FOXP2: variants seen among roughly 807,000 people sequenced by gnomAD.
FOXP2 encodes the protein forkhead box P2.
Under a neutral mutation model 115.8 loss-of-function variants are expected in FOXP2, and 12 were observed. That is an observed-to-expected ratio of 0.10 (90% confidence interval 0.07 to 0.17). The LOEUF (loss-of-function observed/expected upper bound fraction) is 0.17, where lower values mean the gene tolerates loss of function less well. Among genes scored for constraint, FOXP2 ranks in the 10% least tolerant of loss-of-function variants. The pLI, the probability that FOXP2 is intolerant of heterozygous loss-of-function variation, is 1.00. For missense variants in FOXP2, 629 were observed against 843.5 expected (o/e 0.75, Z 3.15); for synonymous variants, 328 against 297.7 (o/e 1.10, Z -1.05).
chr7:114,356,738 G>T, intron 2 of FOXP2, among the ~76,000 whole-genome samples: 1 of 152,092 alleles, frequency 6.6e-6, no homozygotes, highest in Non-Finnish European at 1.5e-5. Context: ...TATTAGTCAA[G>T]GCTAAGGAAT....
intron 2 of FOXP2, among the ~76,000 whole-genome samples, chr7:114,296,243 A>G (rs115962946): frequency 1.1e-4 from 17 of 152,344 alleles, no homozygotes; most frequent in African/African-American, 4.1e-4. Context: ...TTTTGGGACT[A>G]CAATATTGTG....
chr7:114,663,142 G>A (rs1302826806), intron 14 of FOXP2, among the ~76,000 whole-genome samples: 1 of 152,022 alleles, frequency 6.6e-6, no homozygotes, highest in Admixed American at 6.6e-5. Context: ...TTGTATGAAT[G>A]TTGCTGTTCT....
intron 2 of FOXP2, among the ~76,000 whole-genome samples, chr7:114,345,276 T>C (rs1202207764): frequency 2.6e-5 from 4 of 151,426 alleles, no homozygotes; most frequent in African/African-American, 9.7e-5. Context: ...GGTGACAGCC[T>C]ATTAAAGTAA....
At chr7:114,451,485 G>T (rs527625458) in intron 2 of FOXP2, among the ~76,000 whole-genome samples, 1 of 151,874 alleles carries the variant, frequency 6.6e-6, no homozygotes, top group Non-Finnish European at 1.5e-5. Context: ...ATACTTCCTG[G>T]GGCACACACA....
intron 2 of FOXP2, among the ~76,000 whole-genome samples, chr7:114,291,888 ATATAT>A (rs1376094408): frequency 2.3e-5 from 3 of 128,680 alleles, no homozygotes. Flanking sequence ...TATATAGAAT[ATATAT>A]TATAGATAAT....
chr7:114,518,505 T>C (rs1415723849), intron 2 of FOXP2, among the ~76,000 whole-genome samples: 2 of 151,894 alleles, frequency 1.3e-5, no homozygotes, highest in African/African-American at 4.8e-5. Context: ...CCAAAGATTC[T>C]ATAGAATTTT....
chr7:114,471,405 A>G (rs1433176349), intron 2 of FOXP2, among the ~76,000 whole-genome samples: 3 of 152,088 alleles, frequency 2.0e-5, no homozygotes, highest in African/African-American at 4.8e-5. Flanking sequence ...GACACTTTGC[A>G]TCAGCTAATC....
chr7:114,640,939 TTAAC>T (rs1805492245), intron 6 of FOXP2, among the ~76,000 whole-genome samples: 1 of 152,194 alleles, frequency 6.6e-6, no homozygotes, highest in South Asian at 2.1e-4. Context: ...TCAGGTGAGG[TTAAC>T]TAAGATTATA....
chr7:114,653,001 CT>C (rs1325787708), intron 9 of FOXP2, among the ~76,000 whole-genome samples: 1 of 152,126 alleles, frequency 6.6e-6, no homozygotes, highest in Admixed American at 6.6e-5. Flanking sequence ...GCCTTTAAGG[CT>C]TTCTCTAACA....
chr7:114,133,157 G>A (rs1219183361), intron 1 of FOXP2, among the ~76,000 whole-genome samples: 1 of 152,198 alleles, frequency 6.6e-6, no homozygotes, highest in African/African-American at 2.4e-5. Flanking sequence ...TTCCTTAACA[G>A]ATTAAGTGTA....
At chr7:114,452,797 G>A (rs1029112144) in intron 2 of FOXP2, among the ~76,000 whole-genome samples, 1 of 152,034 alleles carries the variant, frequency 6.6e-6, no homozygotes, top group African/African-American at 2.4e-5. Context: ...TCCTTAATCA[G>A]TTCATTTGGC....
intron 2 of FOXP2, among the ~76,000 whole-genome samples, chr7:114,362,646 A>G (rs1475079996): frequency 6.6e-6 from 1 of 152,060 alleles, no homozygotes; most frequent in Non-Finnish European, 1.5e-5. Context: ...AGTGGTTTTG[A>G]TAATTAAATA....
chr7:114,536,385 A>G (rs1584866028), intron 3 of FOXP2, among the ~76,000 whole-genome samples: 1 of 129,728 alleles, frequency 7.7e-6, no homozygotes, highest in South Asian at 2.5e-4. Context: ...GCTGGGCTTT[A>G]GTTTTTCTTT....
chr7:114,628,692 C>T lies in FOXP2; in HGVS notation c.396+15C>T. 6.2e-7 allele frequency: 1 copy of T among 1,613,856 alleles called. No individual in the cohort carries two copies. Among genetic ancestry groups the T allele is most frequent in the Non-Finnish European group, 8.5e-7 (1 of 1,179,912 alleles). The stretch of plus-strand genomic sequence containing the variant: ...TGCTGCAGCAGGTAATGTGGGTTAC[C>T]TGCTTTGGTGTTCTAGCATGACTTA... On this transcript the variant is annotated intron_variant, in intron 4 of 16. Coordinates refer to ENST00000350908, the MANE Select transcript of FOXP2 (RefSeq NM_014491.4).
intron 2 of FOXP2, among the ~76,000 whole-genome samples, chr7:114,312,651 A>T (rs1006766898): frequency 2.6e-5 from 4 of 152,164 alleles, no homozygotes; most frequent in African/African-American, 9.7e-5. Context: ...AAATAACTGA[A>T]TTACAGCACA....
chr7:114,518,604 G>A (rs1798459358), intron 2 of FOXP2, among the ~76,000 whole-genome samples: 1 of 151,982 alleles, frequency 6.6e-6, no homozygotes, highest in South Asian at 2.1e-4. Flanking sequence ...CCAGGTTCAA[G>A]CGATTCTCCT....
chr7:114,210,899 C>G (rs2129161651), intron 1 of FOXP2, among the ~76,000 whole-genome samples: 1 of 152,154 alleles, frequency 6.6e-6, no homozygotes, highest in East Asian at 1.9e-4. Flanking sequence ...CGGGGTCCCA[C>G]TTAAAGAAGC....
At chr7:114,517,657 G>A (rs899540965) in intron 2 of FOXP2, among the ~76,000 whole-genome samples, 6 of 151,996 alleles carry the variant, frequency 3.9e-5, no homozygotes, top group Non-Finnish European at 8.8e-5. Flanking sequence ...TTACTTCTAG[G>A]CCCTCTTTTC....
chr7:114,637,825 G>A (rs1408367866), intron 6 of FOXP2, among the ~76,000 whole-genome samples: 3 of 152,106 alleles, frequency 2.0e-5, no homozygotes, highest in African/African-American at 4.8e-5. Context: ...GAAGCTCTGC[G>A]ACAGAGTAGC....
Sources: allele counts gnomAD v4.1 joint callset (sites outside exome capture counted in the v4.1 genomes callset), GRCh38; gene constraint gnomAD v4.1.1; transcripts MANE v1.5; gene names NCBI Gene and HGNC (gene_info 2026-07-23, HGNC 2026-07-21).